The following BBS9 variants were observed in gnomAD, a reference collection of about 807,000 sequenced individuals.
The protein encoded by BBS9 is protein PTHB1.
In BBS9, 89 loss-of-function variants were observed where a neutral mutation model predicts 117.7. That is an observed-to-expected ratio of 0.76 (90% CI 0.64 to 0.90). The LOEUF (loss-of-function observed/expected upper bound fraction) is 0.90, where lower values mean the gene tolerates loss of function less well. Ranked by LOEUF, BBS9 falls within the 40% of genes least tolerant of loss-of-function variation. BBS9 has a pLI of 0.00. For missense variants in BBS9, 982 were observed against 1,042.2 expected (o/e 0.94, Z 0.80); for synonymous variants, 379 against 370.9 (o/e 1.02, Z -0.25).
intron 9 of BBS9, among the ~76,000 whole-genome samples, chr7:33,297,419 A>G (rs1342634834): frequency 1.3e-5 from 2 of 152,154 alleles, no homozygotes; most frequent in African/African-American, 4.8e-5. Flanking sequence ...TTTCTCTAAG[A>G]AATTGTAATC....
chr7:33,298,822 C>T (rs1303336718), intron 9 of BBS9, among the ~76,000 whole-genome samples: 10 of 152,166 alleles, frequency 6.6e-5, no homozygotes. Context: ...AGATCAAGGA[C>T]TTGAACTGTA....
intron 21 of BBS9, among the ~76,000 whole-genome samples, chr7:33,555,851 T>G (rs1855206957): frequency 6.6e-6 from 1 of 152,218 alleles, no homozygotes; most frequent in Non-Finnish European, 1.5e-5. Context: ...TGATAATTAT[T>G]CTAATGCTTA....
chr7:33,613,543 T>C (rs940888796), intron 21 of BBS9, among the ~76,000 whole-genome samples: 1 of 151,928 alleles, frequency 6.6e-6, no homozygotes, highest in Non-Finnish European at 1.5e-5. Flanking sequence ...GAATTGGAAA[T>C]ATGACTTGTA....
intron 19 of BBS9, among the ~76,000 whole-genome samples, chr7:33,413,070 C>G (rs915072033): frequency 6.6e-6 from 1 of 152,188 alleles, no homozygotes; most frequent in Non-Finnish European, 1.5e-5. Flanking sequence ...TTTTTCTGGA[C>G]TCCTCTTAGT....
intron 20 of BBS9, among the ~76,000 whole-genome samples, chr7:33,520,245 C>T (rs1010750104): frequency 2.0e-5 from 3 of 152,124 alleles, no homozygotes; most frequent in African/African-American, 7.2e-5. Flanking sequence ...AACTCCTGAC[C>T]TTGTGATCTA....
intron 16 of BBS9, among the ~76,000 whole-genome samples, chr7:33,362,825 T>G (rs1027874068): frequency 6.6e-6 from 1 of 152,178 alleles, no homozygotes; most frequent in Non-Finnish European, 1.5e-5. Flanking sequence ...GGGATTGTGA[T>G]TGTATTGATT....
At chr7:33,635,668 G>A (rs1359821435), downstream of BBS9, among the ~76,000 whole-genome samples, 1 of 152,152 alleles carries the variant, frequency 6.6e-6, no homozygotes, top group Non-Finnish European at 1.5e-5. Context: ...TCACTGTTAG[G>A]TATCCAAATA....
At chr7:33,405,316 G>T (rs1418420665) in intron 19 of BBS9, among the ~76,000 whole-genome samples, 1 of 151,888 alleles carries the variant, frequency 6.6e-6, no homozygotes, top group Non-Finnish European at 1.5e-5. Flanking sequence ...TTTTTTGGTT[G>T]TGTCTCTGCC....
At chr7:33,342,700 G>A (rs1178200520) in intron 11 of BBS9, among the ~76,000 whole-genome samples, 3 of 152,036 alleles carry the variant, frequency 2.0e-5, no homozygotes, top group East Asian at 3.9e-4. Context: ...TGTGGCTTTG[G>A]TGCCATGACG....
chr7:33,551,766 A>C (rs1253421874), intron 21 of BBS9, among the ~76,000 whole-genome samples: 1 of 152,156 alleles, frequency 6.6e-6, no homozygotes, highest in Non-Finnish European at 1.5e-5. Context: ...ACATCAAGAC[A>C]AGGAGAAAGA....
chr7:33,526,869 C>G (rs1158775309), intron 20 of BBS9, among the ~76,000 whole-genome samples: 395 of 126,178 alleles, frequency 3.1e-3, no homozygotes, highest in Admixed American at 7.2e-3. Flanking sequence ...TTTTCCCCAT[C>G]TTTGTGGTTT....
chr7:33,189,836 A>G (rs944160485), intron 5 of BBS9, among the ~76,000 whole-genome samples: 8 of 150,012 alleles, frequency 5.3e-5, no homozygotes, highest in African/African-American at 9.8e-5. Context: ...CAGTGAGCCG[A>G]GATCGAGCCA....
At chr7:33,276,179 T>G (rs919400194) in intron 9 of BBS9, among the ~76,000 whole-genome samples, 2 of 152,066 alleles carry the variant, frequency 1.3e-5, no homozygotes, top group African/African-American at 4.8e-5. Flanking sequence ...TCTATTAGAG[T>G]TTTTTTCTTC....
chr7:33,362,471 G>GT (rs927818942), intron 16 of BBS9, among the ~76,000 whole-genome samples: 1 of 152,066 alleles, frequency 6.6e-6, no homozygotes, highest in African/African-American at 2.4e-5. Flanking sequence ...TGAAATTCAT[G>GT]TTTTTGCATC....
At chr7:33,491,837 G>T (rs1843948411) in intron 19 of BBS9, among the ~76,000 whole-genome samples, 1 of 152,098 alleles carries the variant, frequency 6.6e-6, no homozygotes, top group African/African-American at 2.4e-5. Context: ...TAGAGATGAA[G>T]AGGCCAAAGG....
At chr7:33,177,813 A>C (rs1264026298) in intron 5 of BBS9, 8 of 526,902 alleles carry the variant, frequency 1.5e-5, no homozygotes, top group Non-Finnish European at 2.7e-5. Context: ...AGGCCTGGTT[A>C]GTACTTGGAT....
chr7:33,148,674 T>G (rs1477477459), intron 2 of BBS9, among the ~76,000 whole-genome samples: 1 of 151,062 alleles, frequency 6.6e-6, no homozygotes, highest in Non-Finnish European at 1.5e-5. Context: ...TTTTTTTTTT[T>G]TTTTTAATGG....
intron 19 of BBS9, among the ~76,000 whole-genome samples, chr7:33,496,163 A>G (rs1211872262): frequency 6.6e-6 from 1 of 152,172 alleles, no homozygotes; most frequent in Non-Finnish European, 1.5e-5. Flanking sequence ...CTGACTGGGT[A>G]CACTTTTGCA....
intron 5 of BBS9, among the ~76,000 whole-genome samples, chr7:33,231,310 A>G (rs1414141838): frequency 6.6e-6 from 1 of 152,070 alleles, no homozygotes; most frequent in Non-Finnish European, 1.5e-5. Flanking sequence ...GGCTCCAGCA[A>G]CAGTTGTTGA....
Sources: allele counts gnomAD v4.1 joint callset (sites outside exome capture counted in the v4.1 genomes callset), GRCh38; gene constraint gnomAD v4.1.1; transcripts MANE v1.5; gene names NCBI Gene and HGNC (gene_info 2026-07-23, HGNC 2026-07-21).